DLG2: variants seen among roughly 807,000 people sequenced by gnomAD.
The protein encoded by DLG2 is disks large homolog 2.
Under a neutral mutation model 132.5 loss-of-function variants are expected in DLG2, and 45 were observed. The ratio of observed to expected loss-of-function variants is 0.34; its 90% confidence interval spans 0.27 to 0.44. DLG2 has a LOEUF of 0.44. Among genes scored for constraint, DLG2 ranks in the 20% least tolerant of loss-of-function variants. DLG2 has a pLI of 1.00. For missense variants in DLG2, 1,045 were observed against 1,196.9 expected (o/e 0.87, Z 1.87); for synonymous variants, 424 against 419.6 (o/e 1.01, Z -0.13).
At chr11:83,544,965 G>T (rs768086981) in intron 19 of DLG2, among the ~76,000 whole-genome samples, 1 of 152,120 alleles carries the variant, frequency 6.6e-6, no homozygotes, top group Non-Finnish European at 1.5e-5. Flanking sequence ...GCTGACAACT[G>T]CTTCTTCCCT....
chr11:84,621,499 T>A (rs1205178731), intron 6 of DLG2, among the ~76,000 whole-genome samples: 1 of 152,066 alleles, frequency 6.6e-6, no homozygotes, highest in Non-Finnish European at 1.5e-5. Context: ...TAAATGAGCC[T>A]CCCATGTACG....
chr11:85,058,623 C>T (rs1233738607), intron 6 of DLG2, among the ~76,000 whole-genome samples: 1 of 151,326 alleles, frequency 6.6e-6, no homozygotes. Flanking sequence ...ACTTACACTA[C>T]CAGATATTAA....
intron 7 of DLG2, among the ~76,000 whole-genome samples, chr11:84,432,059 T>C (rs1043575930): frequency 1.3e-5 from 2 of 152,198 alleles, no homozygotes; most frequent in African/African-American, 4.8e-5. Flanking sequence ...CTACTGAGGA[T>C]TGTAGAAAAA....
chr11:84,805,921 G>C (rs907933323), intron 6 of DLG2, among the ~76,000 whole-genome samples: 16 of 152,054 alleles, frequency 1.1e-4, no homozygotes, highest in Non-Finnish European at 5.9e-5. Flanking sequence ...GAGCAATTTT[G>C]AACATACTTG....
At chr11:83,794,868 A>C (rs1042289944) in intron 17 of DLG2, among the ~76,000 whole-genome samples, 2 of 152,142 alleles carry the variant, frequency 1.3e-5, no homozygotes, top group African/African-American at 2.4e-5. Flanking sequence ...CTACGCCTAC[A>C]AGATTCTAGT....
chr11:83,907,722 G>A (rs2075287340), intron 15 of DLG2, among the ~76,000 whole-genome samples: 1 of 152,090 alleles, frequency 6.6e-6, no homozygotes, highest in Non-Finnish European at 1.5e-5. Context: ...TACTGGTAAA[G>A]GAAGAAAAAT....
At position 84,373,261 on chromosome 11, in the gene DLG2, A is replaced by AAC. The variant is rs1555532689; in HGVS notation, c.520-121971_520-121970insGT. Among the ~76,000 whole-genome samples, 7 of 58,216 alleles carry AAC rather than the reference A, an allele frequency of 1.2e-4. 1 individual carries two copies. Among genetic ancestry groups the AAC allele is most frequent in the East Asian group, 4.5e-4 (1 of 2,206 alleles). The allele number at this position is 58,216 out of a possible 152,430, so 38.2% of individuals were successfully genotyped here. A position where few individuals can be genotyped will look rare whatever the true frequency, so the allele number is the denominator to read the frequency against. The stretch of plus-strand genomic sequence containing the variant: ...ATTAAGAAACAGTCAAAAAAAAAAA[A>AAC]AAACAAAACAAAAAAAAAACCCACC... On this transcript the variant is annotated intron_variant, in intron 7 of 27. Transcript: ENST00000376104.
intron 6 of DLG2, among the ~76,000 whole-genome samples, chr11:84,648,986 A>G (rs950062227): frequency 1.3e-5 from 2 of 151,930 alleles, no homozygotes; most frequent in Non-Finnish European, 2.9e-5. Flanking sequence ...ATGATTTATT[A>G]TTTTTTTTCT....
intron 16 of DLG2, among the ~76,000 whole-genome samples, 174 bp downstream of exon 16, chr11:83,874,246 G>GGGAAGGAAGGAAGGAGAGAGGGAA (rs144508115): frequency 0.7 from 101,181 of 143,854 alleles, 36,584 homozygotes; most frequent in African/African-American, 0.87. Flanking sequence ...AAAGAAAGAA[G>GGGAAGGAAGGAAGGAGAGAGGGAA]GGAAGGAAGG....
chr11:84,323,216 C>T (rs991815355), intron 7 of DLG2, among the ~76,000 whole-genome samples: 4 of 152,122 alleles, frequency 2.6e-5, no homozygotes, highest in Non-Finnish European at 5.9e-5. Flanking sequence ...CCTCCCCCAG[C>T]CCCTAACAAC....
At chr11:83,674,390 TA>T (rs2077345966) in intron 18 of DLG2, among the ~76,000 whole-genome samples, 1 of 152,154 alleles carries the variant, frequency 6.6e-6, no homozygotes, top group Admixed American at 6.5e-5. Flanking sequence ...ACTGATAAGG[TA>T]AGAAATTCAT....
chr11:83,482,571 A>C (rs1436913504), intron 22 of DLG2, among the ~76,000 whole-genome samples: 2 of 152,194 alleles, frequency 1.3e-5, no homozygotes, highest in Non-Finnish European at 2.9e-5. Context: ...TCTATGCTAT[A>C]AAGTGAAGAC....
intron 7 of DLG2, among the ~76,000 whole-genome samples, chr11:84,480,528 T>C (rs2099134129): frequency 6.6e-6 from 1 of 151,958 alleles, no homozygotes; most frequent in African/African-American, 2.4e-5. Flanking sequence ...AACTAAAACA[T>C]AAGTTTTACA....
intron 8 of DLG2, among the ~76,000 whole-genome samples, chr11:84,213,523 A>C (rs566336652): frequency 6.6e-6 from 1 of 152,212 alleles, no homozygotes; most frequent in East Asian, 1.9e-4. Flanking sequence ...CTACTAAATT[A>C]GAATGTATGT....
At chr11:84,173,972 T>C (rs1366657425) in intron 8 of DLG2, among the ~76,000 whole-genome samples, 1 of 149,202 alleles carries the variant, frequency 6.7e-6, no homozygotes, top group African/African-American at 2.5e-5. Context: ...CTGTCCTTTG[T>C]TGCTTTTATA....
intron 19 of DLG2, among the ~76,000 whole-genome samples, chr11:83,572,761 CA>C (rs2143934017): frequency 6.6e-6 from 1 of 152,286 alleles, no homozygotes; most frequent in South Asian, 2.1e-4. Flanking sequence ...TGAGGCAACT[CA>C]CTCTTTGTTG....
chr11:85,515,461 C>G (rs1405385415), intron 3 of DLG2, among the ~76,000 whole-genome samples: 1 of 151,974 alleles, frequency 6.6e-6, no homozygotes. Flanking sequence ...TAAATCATCA[C>G]TTTTCATTTT....
intron 6 of DLG2, among the ~76,000 whole-genome samples, chr11:84,994,863 C>T (rs1345038570): frequency 6.6e-6 from 1 of 152,106 alleles, no homozygotes; most frequent in Non-Finnish European, 1.5e-5. Flanking sequence ...GAACATAGGG[C>T]CTCTCTCATG....
intron 18 of DLG2, among the ~76,000 whole-genome samples, chr11:83,740,233 G>C (rs944449270): frequency 6.6e-6 from 1 of 152,098 alleles, no homozygotes; most frequent in Non-Finnish European, 1.5e-5. Context: ...GTTAATAATA[G>C]TTAAGTACAG....
Sources: allele counts gnomAD v4.1 joint callset (sites outside exome capture counted in the v4.1 genomes callset), GRCh38; gene constraint gnomAD v4.1.1; transcripts MANE v1.5; gene names NCBI Gene and HGNC (gene_info 2026-07-23, HGNC 2026-07-21).